The following CCDC170 variants were observed in gnomAD, a reference collection of about 807,000 sequenced individuals.
The protein encoded by CCDC170 is coiled-coil domain containing 170.
A neutral mutation model predicts 72.6 loss-of-function variants in CCDC170; 69 were observed. That is an observed-to-expected ratio of 0.95 (90% CI 0.78 to 1.16). The LOEUF (loss-of-function observed/expected upper bound fraction) is 1.16. CCDC170 is among the 50% of genes most tolerant of loss of function. CCDC170 has a pLI of 0.00. For synonymous variants in CCDC170, 300 were observed against 303.9 expected (o/e 0.99, Z 0.13); for missense variants, 852 against 832.5 (o/e 1.02, Z -0.29).
At chr6:151,554,533 T>G (rs992616599) in intron 5 of CCDC170, among the ~76,000 whole-genome samples, 1 of 152,090 alleles carries the variant, frequency 6.6e-6, no homozygotes, top group African/African-American at 2.4e-5. Context: ...GAGACCAGCC[T>G]GACCAACACG....
rs184085403 is a variant in CCDC170, at chr6:151,504,527, G to A, written c.57+10342G>A. ...TAAATAAAATTTTAAAAAGGAAGAA[G>A]GCAAGCATCACTAGAGTAAATATAT... On this transcript the variant is annotated intron_variant, in intron 1 of 10. Coordinates refer to ENST00000239374, the MANE Select transcript of CCDC170 (RefSeq NM_025059.4). 5.9e-5 allele frequency among the ~76,000 whole-genome samples: 9 copies of A among 151,964 alleles called. No homozygotes were observed. In the East Asian group the frequency reaches 1.5e-3, roughly 26 times the overall value.
intron 5 of CCDC170, among the ~76,000 whole-genome samples, chr6:151,571,229 A>C (rs1776214506): frequency 6.6e-6 from 1 of 152,148 alleles, no homozygotes; most frequent in South Asian, 2.1e-4. Flanking sequence ...GCAGCCTGAA[A>C]TGTTATCAGC....
intron 1 of CCDC170, among the ~76,000 whole-genome samples, chr6:151,516,754 T>C (rs1583005733): frequency 1.3e-5 from 2 of 152,280 alleles, no homozygotes; most frequent in African/African-American, 4.8e-5. Flanking sequence ...CTGATTTACG[T>C]AGGGCCCAGA....
chr6:151,532,902 T>G (rs1203690095), intron 1 of CCDC170, among the ~76,000 whole-genome samples: 1 of 152,206 alleles, frequency 6.6e-6, no homozygotes, highest in Non-Finnish European at 1.5e-5. Flanking sequence ...GCTGCCACTA[T>G]TTTTTGTCTG....
intron 6 of CCDC170, among the ~76,000 whole-genome samples, chr6:151,574,079 A>G (rs1258117460): frequency 6.6e-6 from 1 of 152,198 alleles, no homozygotes; most frequent in Non-Finnish European, 1.5e-5. Flanking sequence ...CTCTCTACTG[A>G]AAATAAAAAT....
chr6:151,541,865 A>AATATATAT (rs1182684013), intron 3 of CCDC170, among the ~76,000 whole-genome samples: 1 of 120,170 alleles, frequency 8.3e-6, no homozygotes, highest in Non-Finnish European at 1.7e-5. Context: ...TATAAATATA[A>AATATATAT]ATATATATAT....
At chr6:151,570,433 AATAAC>A (rs1488993708) in intron 5 of CCDC170, among the ~76,000 whole-genome samples, 1 of 152,232 alleles carries the variant, frequency 6.6e-6, no homozygotes, top group African/African-American at 2.4e-5. Context: ...AGCCAATACA[AATAAC>A]AAAACAACAA....
In CCDC170 at chr6:151,573,107, A is replaced by G; in HGVS notation, c.775-67A>G. 2.8e-6 allele frequency: 4 copies of G among 1,418,630 alleles called. No individual in the cohort carries two copies. The South Asian group carries it at 4.1e-5, about 14-fold the overall frequency. The allele number at this position is 1,418,630 out of a possible 1,614,324, so 87.9% of individuals were successfully genotyped here. A position where few individuals can be genotyped will look rare whatever the true frequency, so the allele number is the denominator to read the frequency against. ...AGCAGGCAAAGTCAATGAATTTGCC[A>G]TAGCAAATGCAGGTGTACCCTGTTG... On this transcript the variant is annotated intron_variant, in intron 5 of 10. Coordinates refer to ENST00000239374, the MANE Select transcript of CCDC170 (RefSeq NM_025059.4).
chr6:151,596,210 T>A, intron 8 of CCDC170, 125 bp from the exon 9 acceptor site: 1 of 1,201,736 alleles, frequency 8.3e-7, no homozygotes. Flanking sequence ...ATCCAATGAC[T>A]TTTTTGATGG....
intron 4 of CCDC170, among the ~76,000 whole-genome samples, chr6:151,547,333 A>C (rs1216184265): frequency 6.6e-6 from 1 of 152,204 alleles, no homozygotes; most frequent in Non-Finnish European, 1.5e-5. Context: ...GTGAAGAAAT[A>C]ACCAAATAAA....
intron 4 of CCDC170, among the ~76,000 whole-genome samples, chr6:151,545,005 T>C (rs1056882386): frequency 2.6e-5 from 4 of 152,306 alleles, no homozygotes; most frequent in South Asian, 2.1e-4. Flanking sequence ...TGTAACCATT[T>C]GCTTTAGGGA....
intron 1 of CCDC170, among the ~76,000 whole-genome samples, chr6:151,532,631 G>A (rs11752993): frequency 6.6e-6 from 1 of 151,122 alleles, no homozygotes; most frequent in African/African-American, 2.4e-5. Context: ...GAAAAAAAAA[G>A]AATAAGGCTT....
rs554854873 is a variant in CCDC170 at position 151,534,377 on chromosome 6, A to C, written c.58-1941A>C. On this transcript the variant is annotated intron_variant, in intron 1 of 10. Transcript: ENST00000239374. ...GTCTAGCTTCTTTTCTTAAAAAAAAAAAAGATGTTAGTCATTGAAAGAAAT... is the reference window on the plus strand; with the variant it reads ...GTCTAGCTTCTTTTCTTAAAAAAAACAAAGATGTTAGTCATTGAAAGAAAT... Among the ~76,000 whole-genome samples, 3 of 152,300 alleles carry C rather than the reference A, an allele frequency of 2.0e-5. No homozygotes were observed. The South Asian group carries it at 6.2e-4, about 32-fold the overall frequency.
intron 6 of CCDC170, among the ~76,000 whole-genome samples, chr6:151,579,103 T>G (rs9478223): frequency 6.6e-6 from 1 of 151,854 alleles, no homozygotes; most frequent in Non-Finnish European, 1.5e-5. Flanking sequence ...CCCCTCACCC[T>G]CCACTGCCCA....
At chr6:151,562,521 C>T (rs186244013) in intron 5 of CCDC170, among the ~76,000 whole-genome samples, 2 of 152,108 alleles carry the variant, frequency 1.3e-5, no homozygotes, top group African/African-American at 4.8e-5. Context: ...TGTGTGGTGG[C>T]TTTATCAGAC....
intron 9 of CCDC170, among the ~76,000 whole-genome samples, chr6:151,612,023 G>A (rs1776880897): frequency 6.6e-6 from 1 of 152,060 alleles, no homozygotes; most frequent in Non-Finnish European, 1.5e-5. Flanking sequence ...CTGGTTTCTA[G>A]TTTATGAGTT....
intron 3 of CCDC170, among the ~76,000 whole-genome samples, chr6:151,541,440 TTCCTGGGTTCAAGTGA>T: frequency 6.6e-6 from 1 of 152,056 alleles, no homozygotes; most frequent in East Asian, 1.9e-4. Context: ...TGGCCTAAAA[TTCCTGGGTTCAAGTGA>T]TCCTCTCACC....
In CCDC170 at chr6:151,601,887, A is replaced by T. The variant is rs773837175; in HGVS notation, c.1710+5310A>T. The stretch of plus-strand genomic sequence containing the variant: ...AGTATCTGGGCATGATTGCCCAGCC[A>T]AGTTGATACATAAAATTAACCATCA... On this transcript the variant is annotated intron_variant, in intron 9 of 10. Coordinates refer to ENST00000239374, the MANE Select transcript of CCDC170 (RefSeq NM_025059.4). Among the ~76,000 whole-genome samples, 171 of 152,240 alleles carry T rather than the reference A, an allele frequency of 1.1e-3. 1 individual carries two copies. Among genetic ancestry groups the T allele is most frequent in the Non-Finnish European group, 1.9e-3 (127 of 68,046 alleles).
At chr6:151,599,566 G>A (rs929852198) in intron 9 of CCDC170, among the ~76,000 whole-genome samples, 12 of 152,172 alleles carry the variant, frequency 7.9e-5, no homozygotes, top group Admixed American at 2.0e-4. Flanking sequence ...GGAGCCTTAT[G>A]TGTCACACTA....
Sources: gnomAD v4.1 joint callset for allele counts (sites outside exome capture counted in the v4.1 genomes callset) on GRCh38, gnomAD v4.1.1 for gene constraint, MANE v1.5 for transcripts, NCBI Gene and HGNC (gene_info 2026-07-23, HGNC 2026-07-21) for gene names.